Variants in ABCA8 observed in about 807,000 individuals in gnomAD.
ABCA8 encodes the protein ABC-type organic anion transporter ABCA8.
In ABCA8, 177 loss-of-function variants were observed where a neutral mutation model predicts 192.3. That is an observed-to-expected ratio of 0.92 (90% CI 0.81 to 1.04). The LOEUF is 1.04. Among genes scored for constraint, ABCA8 ranks in the 50% least tolerant of loss-of-function variants. ABCA8 has a pLI of 0.00. For synonymous variants in ABCA8, 642 were observed against 690.2 expected (o/e 0.93, Z 1.09); for missense variants, 1,915 against 1,904.8 (o/e 1.01, Z -0.10).
Position 68,927,917 on chromosome 17 carries a change from T to C in ABCA8, c.1272A>G (p.Pro424=), listed in dbSNP as rs759415901. The change falls in exon 10 of 40, where the codon CCA becomes CCG. Residue 424 remains proline, a splice_region_variant and synonymous_variant. Transcript: ENST00000586539. ...GATTTTAATCATATCATTACTCACT[T>C]GGCAAAATTTTTTCAAAGTAAATCG... ...ALAIYFEKIL[P]NEYGHRRPPL... 1.3e-6 allele frequency: 2 copies of C among 1,595,782 alleles called. No homozygotes were observed. Among genetic ancestry groups the C allele is most frequent in the South Asian group, 1.2e-5 (1 of 86,366 alleles).
Position 68,894,244 on chromosome 17 carries a change from C to G in ABCA8, c.2965G>C (p.Val989Leu). Residue 989 changes from valine (V) to leucine (L), a missense_variant, in exon 23 of 40, where the codon GTT becomes CTT. Coordinates refer to ENST00000586539, the MANE Select transcript of ABCA8 (RefSeq NM_001288985.2). ...ACCATTCCAAGTAGCCCATTACTAA[C>G]AATGTCCATAAGAACTGGGAAGCAA... ...LNCFPVLMDI[V>L]SNGLLGMVKP... 1 of 1,613,122 alleles carries G rather than the reference C, an allele frequency of 6.2e-7. No individual in the cohort carries two copies. The highest frequency in any genetic ancestry group is 1.1e-5 in the South Asian group (1 of 91,012).
intron 18 of ABCA8, 78 bp downstream of exon 18, chr17:68,907,662 G>A (rs2067107873): frequency 3.9e-6 from 5 of 1,278,204 alleles, no homozygotes; most frequent in Non-Finnish European, 5.2e-6. Context: ...ATTGATAAAT[G>A]TTAGTTGTAA....
intron 2 of ABCA8, among the ~76,000 whole-genome samples, chr17:68,942,491 C>T (rs2068260399): frequency 6.6e-6 from 1 of 152,098 alleles, no homozygotes; most frequent in Admixed American, 6.6e-5. Context: ...TTGTTTTCTC[C>T]AATGCAAAGT....
chr17:68,889,160 A>C (rs183063779), intron 24 of ABCA8, among the ~76,000 whole-genome samples: 1 of 152,238 alleles, frequency 6.6e-6, no homozygotes, highest in East Asian at 1.9e-4. Flanking sequence ...TAAACCATAC[A>C]CTCTTTTTGT....
At chr17:68,877,760 A>C in intron 32 of ABCA8, 81 bp from the exon 33 acceptor site, 1 of 1,399,350 alleles carries the variant, frequency 7.1e-7, no homozygotes, top group Non-Finnish European at 9.6e-7. Context: ...CTCTTCACGA[A>C]CCTAGAAAAA....
At chr17:68,953,425 A>G (rs1342931862) in intron 1 of ABCA8, among the ~76,000 whole-genome samples, 1 of 152,214 alleles carries the variant, frequency 6.6e-6, no homozygotes, top group Non-Finnish European at 1.5e-5. Flanking sequence ...AGGATCACAC[A>G]CAGGGTGGTG....
chr17:68,894,476 TA>T (rs2066697060), intron 22 of ABCA8, among the ~76,000 whole-genome samples, 166 bp from the exon 23 acceptor site: 1 of 152,188 alleles, frequency 6.6e-6, no homozygotes, highest in African/African-American at 2.4e-5. Flanking sequence ...ACTGTATAAG[TA>T]AATCAAAACA....
chr17:68,888,106 CAT>C (rs1039320283), intron 24 of ABCA8, among the ~76,000 whole-genome samples: 1 of 147,796 alleles, frequency 6.8e-6, no homozygotes, highest in Non-Finnish European at 1.5e-5. Context: ...CACACACACA[CAT>C]ATATAATTGC....
Position 68,940,939 on chromosome 17 carries a change from T to C in ABCA8, c.120A>G (p.Leu40=). ...GAGGATATATATACAAACAAAGTAG[T>C]AGGAGCAATGAATTCAGCCATTCCT... ...SLMEWLNSLL[L]LLCLYIYPHS... The change falls in exon 4 of 40, where the codon CTA becomes CTG. Residue 40 remains leucine, a synonymous_variant. Transcript: ENST00000586539. 1 of 1,609,786 alleles carries C rather than the reference T, an allele frequency of 6.2e-7. No individual in the cohort carries two copies. Among genetic ancestry groups the C allele is most frequent in the Non-Finnish European group, 8.5e-7 (1 of 1,176,376 alleles).
intron 24 of ABCA8, among the ~76,000 whole-genome samples, chr17:68,888,280 C>T (rs2066542163): frequency 6.6e-6 from 1 of 151,628 alleles, no homozygotes; most frequent in Admixed American, 6.6e-5. Flanking sequence ...AATAAACATA[C>T]CAAATTACAT....
intron 22 of ABCA8, 41 bp from the exon 23 acceptor site, chr17:68,894,351 C>A: frequency 6.5e-7 from 1 of 1,532,174 alleles, no homozygotes; most frequent in Non-Finnish European, 8.8e-7. Flanking sequence ...CAAATATCTT[C>A]ATTTTGTTCT....
intron 5 of ABCA8, among the ~76,000 whole-genome samples, chr17:68,934,610 T>C (rs1421205768): frequency 6.6e-6 from 1 of 152,226 alleles, no homozygotes; most frequent in Non-Finnish European, 1.5e-5. Flanking sequence ...CAAAAAGTAA[T>C]TATTCTATGT....
chr17:68,916,991 C>T lies in ABCA8; in HGVS notation c.2138+370G>A, dbSNP rs111387186. 1.4e-3 allele frequency among the ~76,000 whole-genome samples: 214 copies of T among 152,236 alleles called. 3 individuals are homozygous for T. Among genetic ancestry groups the T allele is most frequent in the African/African-American group, 5.1e-3 (210 of 41,542 alleles). On this transcript the variant is annotated intron_variant, in intron 17 of 39. Transcript: ENST00000586539. ...GTGTATAATAATACAAATTCTTGGC[C>T]GGGCGCGGTGGCTCACGCCTATAAT...
At chr17:68,898,280 G>T in intron 21 of ABCA8, among the ~76,000 whole-genome samples, 1 of 152,072 alleles carries the variant, frequency 6.6e-6, no homozygotes, top group East Asian at 1.9e-4. Flanking sequence ...TTGAGTGATG[G>T]TTACACCAAA....
rs192334312 is a variant in ABCA8, at chr17:68,926,977, C to T, written c.1273+939G>A. On this transcript the variant is annotated intron_variant, in intron 10 of 39. Coordinates refer to ENST00000586539, the MANE Select transcript of ABCA8 (RefSeq NM_001288985.2). ...GGAGGGAGAAAAAAGTGAAGCAAGC[C>T]GGGCACTGTGGCTCATGCCTGTAAT... Among the ~76,000 whole-genome samples, 94 of 152,256 alleles carry T rather than the reference C, an allele frequency of 6.2e-4. 1 individual carries two copies. The highest frequency in any genetic ancestry group is 5.0e-3 in the South Asian group (24 of 4,816).
rs1183759222 is a variant in ABCA8, at chr17:68,877,563, G to A, written c.4155C>T (p.Ala1385=). The change falls in exon 33 of 40, where the codon GCC becomes GCT. Residue 1385 remains alanine (A), a synonymous_variant. Coordinates refer to ENST00000586539, the MANE Select transcript of ABCA8 (RefSeq NM_001288985.2). ...CATCCCCTTTCCTCAGCCCTTTCAC[G>A]GCGGCGTACACCTCCAGGTGCTGCC... ...TVRQHLEVYA[A]VKGLRKGDAE... The A allele has an allele frequency of 2.7e-5, 43 of 1,613,866 alleles. No individual in the cohort carries two copies. Among genetic ancestry groups the A allele is most frequent in the East Asian group, 1.1e-4 (5 of 44,852 alleles).
rs987338318 is a variant in ABCA8, at chr17:68,867,369, T to A, written c.*716A>T. 1 of 152,206 alleles carries A rather than the reference T, an allele frequency of 6.6e-6. No homozygotes were observed. Among genetic ancestry groups the A allele is most frequent in the African/African-American group, 2.4e-5 (1 of 41,460 alleles). The allele number at this position is 152,206 out of a possible 1,614,324, so 9.4% of individuals were successfully genotyped here. On this transcript the variant is annotated 3_prime_UTR_variant, in exon 40 of 40. Coordinates refer to ENST00000586539, the MANE Select transcript of ABCA8 (RefSeq NM_001288985.2). ...GAGCTGTTGCTACATTTGTGAACTT[T>A]CTGAAACCAAGTGACAAATATCCAC... is the stretch of plus-strand genomic sequence containing the variant.
At position 68,922,233 on chromosome 17, in the gene ABCA8, T is replaced by TTAAA; in HGVS notation, c.1501+8_1501+9insTTTA. The TTAAA allele has an allele frequency of 1.8e-6, 1 of 549,586 alleles. No individual in the cohort carries two copies. Among genetic ancestry groups the TTAAA allele is most frequent in the Non-Finnish European group, 2.6e-6 (1 of 385,892 alleles). The allele number at this position is 549,586 out of a possible 1,614,324, so 34.0% of individuals were successfully genotyped here. On this transcript the variant is annotated intron_variant, in intron 12 of 39. Coordinates refer to ENST00000586539, the MANE Select transcript of ABCA8 (RefSeq NM_001288985.2). ...TTTTTTTTTTTTTTTTTTTTTTTTT[T>TTAAA]TTTTTTACCTTTCAAGGCTTCTATT...
intron 19 of ABCA8, 85 bp from the exon 20 acceptor site, chr17:68,903,584 C>T (rs3744495): frequency 3.9e-6 from 5 of 1,272,640 alleles, no homozygotes; most frequent in South Asian, 2.6e-5. Context: ...CATGATTAGA[C>T]TCTTCCGCGT....
Sources: gnomAD v4.1 joint callset for allele counts (sites outside exome capture counted in the v4.1 genomes callset) on GRCh38, gnomAD v4.1.1 for gene constraint, MANE v1.5 for transcripts, NCBI Gene and HGNC (gene_info 2026-07-23, HGNC 2026-07-21) for gene names.